Variants in HOGA1 observed in about 807,000 individuals in gnomAD.
The protein encoded by HOGA1 is 4-hydroxy-2-oxoglutarate aldolase 1.
A neutral mutation model predicts 34.3 loss-of-function variants in HOGA1; 30 were observed. The ratio of observed to expected loss-of-function variants is 0.87; its 90% CI spans 0.65 to 1.19. HOGA1 has a LOEUF of 1.19. Ranked by LOEUF, HOGA1 falls within the 50% of genes most tolerant of loss-of-function variation. HOGA1 has a pLI of 0.00. For missense variants in HOGA1, 417 were observed against 436.5 expected (o/e 0.96, Z 0.40); for synonymous variants, 161 against 174.0 (o/e 0.93, Z 0.59).
chr10:97,599,330 G>A, intron 3 of HOGA1, 114 bp downstream of exon 3: 1 of 1,261,594 alleles, frequency 7.9e-7, no homozygotes, highest in Non-Finnish European at 1.1e-6. Flanking sequence ...CGGGTGGACT[G>A]CCACCATGGA....
chr10:97,584,737 C>T lies in HOGA1; in HGVS notation c.34C>T (p.Gln12Ter). The T allele has an allele frequency of 6.2e-7, 1 of 1,611,912 alleles. No individual in the cohort carries two copies. The highest frequency in any genetic ancestry group is 1.7e-5 in the Admixed American group (1 of 59,882). Residue 12 changes from glutamine (Q) to a stop codon, truncating the protein, a stop_gained, in exon 1 of 7, where the codon CAG becomes TAG. Transcript: ENST00000370646. LOFTEE classifies it high-confidence loss of function. ...LGPQVWSSVR[Q>*]GLSRSLSRNV... ...TCCCCAAGTCTGGTCTTCTGTGAGG[C>T]AGGGGCTAAGCAGGAGCTTGTCCAG...
At chr10:97,588,301 C>A (rs966765168) in intron 1 of HOGA1, among the ~76,000 whole-genome samples, 3 of 150,786 alleles carry the variant, frequency 2.0e-5, no homozygotes, top group Non-Finnish European at 4.4e-5. Flanking sequence ...AGGTTCACGC[C>A]ATTTTCCTGC....
intron 1 of HOGA1, among the ~76,000 whole-genome samples, chr10:97,594,067 C>A (rs569970922): frequency 3.7e-4 from 56 of 152,056 alleles, no homozygotes; most frequent in Non-Finnish European, 6.8e-4. Flanking sequence ...TAGCGTTTCA[C>A]CACGTTGGCC....
chr10:97,584,898 C>T lies in HOGA1; in HGVS notation c.195C>T (p.Gly65=). 1 of 1,614,074 alleles carries T rather than the reference C, an allele frequency of 6.2e-7. No homozygotes were observed. The highest frequency in any genetic ancestry group is 8.5e-7 in the Non-Finnish European group (1 of 1,179,986). The part of the protein sequence containing the change: ...GKLEENLHKL[G]TFPFRGFVVQ... ...TGGAGGAGAATCTGCACAAACTGGGCACCTTCCCCTTCCGAGGTAAGTGGG... is the reference window on the plus strand; with the variant it reads ...TGGAGGAGAATCTGCACAAACTGGGTACCTTCCCCTTCCGAGGTAAGTGGG... Residue 65 remains glycine, a synonymous_variant, in exon 1 of 7, where the codon GGC becomes GGT. Transcript: ENST00000370646.
chr10:97,605,616 G>GTATA (rs1319061235), intron 6 of HOGA1, among the ~76,000 whole-genome samples: 2 of 152,170 alleles, frequency 1.3e-5, no homozygotes, highest in Admixed American at 1.3e-4. Context: ...TCTGATAGAT[G>GTATA]TATAGTACAG....
Position 97,611,950 on chromosome 10 carries a change from C to T in HOGA1, c.*291C>T, listed in dbSNP as rs1451536369. 2.3e-6 allele frequency: 1 copy of T among 431,942 alleles called. No homozygotes were observed. The highest frequency in any genetic ancestry group is 2.0e-5 in the African/African-American group (1 of 50,224). The allele number at this position is 431,942 out of a possible 1,614,324, so 26.8% of individuals were successfully genotyped here. Reference sequence around the variant, plus strand: ...TTTCTACTGTGGATGCTTTCCTACGCCCTGAGGCACATGAAGTCAGAAAGG... The same window carrying T: ...TTTCTACTGTGGATGCTTTCCTACGTCCTGAGGCACATGAAGTCAGAAAGG... On this transcript the variant is annotated 3_prime_UTR_variant, in exon 7 of 7. Transcript: ENST00000370646.
At chr10:97,593,157 T>C (rs2041041680) in intron 1 of HOGA1, among the ~76,000 whole-genome samples, 1 of 152,036 alleles carries the variant, frequency 6.6e-6, no homozygotes, top group African/African-American at 2.4e-5. Flanking sequence ...TGGCTAATTT[T>C]CCAGATCAAG....
chr10:97,584,622 T>G lies in HOGA1; in HGVS notation c.-82T>G, dbSNP rs1272411792. ...GCAAATTTTTAACTAGAAACATTGA[T>G]CATTAATAGGGGGTTAGAAAGAGTT... On this transcript the variant is annotated 5_prime_UTR_variant, in exon 1 of 7. Coordinates refer to ENST00000370646, the MANE Select transcript of HOGA1 (RefSeq NM_138413.4). 3.2e-6 allele frequency: 4 copies of G among 1,252,638 alleles called. No individual in the cohort carries two copies. In the East Asian group the frequency reaches 9.4e-5, roughly 29 times the overall value. The allele number at this position is 1,252,638 out of a possible 1,614,324, so 77.6% of individuals were successfully genotyped here.
At chr10:97,595,557 TG>T (rs751154674) in intron 1 of HOGA1, among the ~76,000 whole-genome samples, 5 of 152,068 alleles carry the variant, frequency 3.3e-5, no homozygotes, top group South Asian at 2.1e-4. Flanking sequence ...TTAGCCGGCA[TG>T]GTGTCAGGTG....
At chr10:97,589,432 C>T (rs2040999499) in intron 1 of HOGA1, among the ~76,000 whole-genome samples, 1 of 151,568 alleles carries the variant, frequency 6.6e-6, no homozygotes, top group Admixed American at 6.6e-5. Flanking sequence ...AGAGAGAAAC[C>T]AAAGACTGGA....
chr10:97,595,040 T>C (rs191808718), intron 1 of HOGA1, among the ~76,000 whole-genome samples: 4 of 152,308 alleles, frequency 2.6e-5, no homozygotes, highest in African/African-American at 9.6e-5. Flanking sequence ...CTGGGGACAC[T>C]CCTTATGTGA....
chr10:97,604,846 G>A (rs151019820), intron 6 of HOGA1, among the ~76,000 whole-genome samples: 6 of 152,264 alleles, frequency 3.9e-5, no homozygotes, highest in African/African-American at 1.4e-4. Context: ...GCTGGGCATG[G>A]TGGTGCACAT....
chr10:97,599,064 C>G (rs375709673), intron 2 of HOGA1, 25 bp from the exon 3 acceptor site: 80 of 1,611,156 alleles, frequency 5.0e-5, no homozygotes, highest in Middle Eastern at 1.9e-4. Context: ...TCTGCCTGCT[C>G]TCACCTCTCT....
At chr10:97,594,628 C>T (rs894853157) in intron 1 of HOGA1, among the ~76,000 whole-genome samples, 4 of 152,074 alleles carry the variant, frequency 2.6e-5, no homozygotes, top group Non-Finnish European at 4.4e-5. Context: ...GCTGGGATCA[C>T]AAGTGTGAAC....
rs144597192 is a variant in HOGA1 at position 97,602,478 on chromosome 10, A to G, written c.834+488A>G. The G allele has an allele frequency of 2.4e-4, 237 of 985,340 alleles. 1 individual carries two copies. The Middle Eastern group carries it at 5.2e-3, about 22-fold the overall frequency. The allele number at this position is 985,340 out of a possible 1,614,324, so 61.0% of individuals were successfully genotyped here. ...TTCTGTGGTCAGACTGTATACCCCAATTCTTTGTTGGGCAAGCAAAGGAGA... is the reference window on the plus strand; with the variant it reads ...TTCTGTGGTCAGACTGTATACCCCAGTTCTTTGTTGGGCAAGCAAAGGAGA... On this transcript the variant is annotated intron_variant, in intron 6 of 6. Coordinates refer to ENST00000370646, the MANE Select transcript of HOGA1 (RefSeq NM_138413.4).
At chr10:97,599,466 A>T in intron 3 of HOGA1, 1 of 738,784 alleles carries the variant, frequency 1.4e-6, no homozygotes, top group Non-Finnish European at 2.3e-6. Flanking sequence ...GATCAGGAAC[A>T]TAAAGGCCTT....
chr10:97,597,645 T>C (rs2041081681), intron 1 of HOGA1, among the ~76,000 whole-genome samples: 1 of 152,148 alleles, frequency 6.6e-6, no homozygotes, highest in African/African-American at 2.4e-5. Context: ...TCCTGAGGTC[T>C]ACACTGATTG....
intron 6 of HOGA1, among the ~76,000 whole-genome samples, chr10:97,608,754 C>T (rs1045163768): frequency 4.0e-5 from 6 of 150,996 alleles, no homozygotes; most frequent in African/African-American, 1.2e-4. Flanking sequence ...TGCAGTGAGC[C>T]GAGATCGTAC....
At position 97,602,032 on chromosome 10, in the gene HOGA1, G is replaced by T. The variant is rs115279832; in HGVS notation, c.834+42G>T. On this transcript the variant is annotated intron_variant, in intron 6 of 6. Coordinates refer to ENST00000370646, the MANE Select transcript of HOGA1 (RefSeq NM_138413.4). Reference sequence around the variant, plus strand: ...GGGGGCGCGGCCTGGCGGGGGGTGGGCAGTCTGTGTCCTCATTGGAGCAGG... The same window carrying T: ...GGGGGCGCGGCCTGGCGGGGGGTGGTCAGTCTGTGTCCTCATTGGAGCAGG... The T allele has an allele frequency of 0.018, 29,095 of 1,583,850 alleles. 313 individuals are homozygous for T. Among genetic ancestry groups the T allele is most frequent in the Middle Eastern group, 0.024 (147 of 6,002 alleles).
Sources: allele counts gnomAD v4.1 joint callset (sites outside exome capture counted in the v4.1 genomes callset), GRCh38; gene constraint gnomAD v4.1.1; transcripts MANE v1.5; gene names NCBI Gene and HGNC (gene_info 2026-07-23, HGNC 2026-07-21).